Variants in PAK2 observed in about 807,000 individuals in gnomAD.
PAK2 encodes the protein p21 (RAC1) activated kinase 2, also known as serine/threonine-protein kinase PAK 2.
In PAK2, 21 loss-of-function variants were observed where a neutral mutation model predicts 65.9. The observed-to-expected ratio is 0.32, with a 90% CI of 0.23 to 0.46. The LOEUF (loss-of-function observed/expected upper bound fraction) is 0.46, where lower values mean the gene tolerates loss of function less well. PAK2 is among the 20% of genes least tolerant of loss of function. The pLI, the probability that PAK2 is intolerant of heterozygous loss-of-function variation, is 1.00. For synonymous variants in PAK2, 204 were observed against 219.7 expected, an observed-to-expected ratio of 0.93 and a Z score of 0.63; for missense variants, 324 against 642.6, an observed-to-expected ratio of 0.50 and a Z score of 5.36.
intron 2 of PAK2, among the ~76,000 whole-genome samples, chr3:196,792,804 AAT>A (rs202214351): frequency 1.3e-5 from 2 of 150,872 alleles, no homozygotes; most frequent in Non-Finnish European, 3.0e-5. Context: ...GACAGAAAAA[AAT>A]ATATATATAT....
At position 196,829,175 on chromosome 3, in the gene PAK2, G is replaced by T. The variant is rs1400983634; in HGVS notation, c.*770G>T. The T allele has an allele frequency of 2.6e-5, 4 of 152,504 alleles. No homozygotes were observed. Among genetic ancestry groups the T allele is most frequent in the Admixed American group, 1.3e-4 (2 of 15,228 alleles). 9.4% of individuals were successfully genotyped at this position (152,504 alleles called of 1,614,324 possible). ...TAGAAAAAGATTCCCATTGACTGTA[G>T]ACTTCTTCCCATTTTGTCTTCCCTT... On this transcript the variant is annotated 3_prime_UTR_variant, in exon 15 of 15. Transcript: ENST00000327134.
chr3:196,806,944 C>T (rs892743113), intron 6 of PAK2, among the ~76,000 whole-genome samples: 6 of 152,084 alleles, frequency 3.9e-5, no homozygotes, highest in African/African-American at 1.4e-4. Flanking sequence ...TACACCTTTT[C>T]CAGAGGGTTC....
chr3:196,788,052 C>T (rs930685708), intron 2 of PAK2, among the ~76,000 whole-genome samples: 1 of 152,232 alleles, frequency 6.6e-6, no homozygotes, highest in African/African-American at 2.4e-5. Context: ...CAGCAGTTTG[C>T]AGAAGCATTT....
chr3:196,819,135 T>C (rs1711571014), intron 12 of PAK2, among the ~76,000 whole-genome samples: 1 of 152,154 alleles, frequency 6.6e-6, no homozygotes, highest in Non-Finnish European at 1.5e-5. Context: ...ATTTTTATAT[T>C]CTGTATAGTT....
intron 1 of PAK2, among the ~76,000 whole-genome samples, chr3:196,776,252 C>A (rs181185268): frequency 6.6e-6 from 1 of 152,126 alleles, no homozygotes; most frequent in East Asian, 1.9e-4. Flanking sequence ...GCCAGTTTCA[C>A]GTAATAATAT....
intron 1 of PAK2, among the ~76,000 whole-genome samples, chr3:196,763,739 T>G (rs1714061043): frequency 6.6e-6 from 1 of 152,102 alleles, no homozygotes; most frequent in African/African-American, 2.4e-5. Context: ...TATTGTCTAT[T>G]TTCTATAGAA....
chr3:196,757,417 G>A (rs553609640), intron 1 of PAK2, among the ~76,000 whole-genome samples: 2 of 152,284 alleles, frequency 1.3e-5, no homozygotes, highest in East Asian at 3.9e-4. Context: ...AAGAGTTTCT[G>A]TTATTTTTTC....
At chr3:196,806,801 T>A in intron 6 of PAK2, 115 bp downstream of exon 6, 1 of 656,952 alleles carries the variant, frequency 1.5e-6, no homozygotes, top group South Asian at 1.8e-5. Context: ...TTTAAAATCG[T>A]TTAGTATGGG....
Position 196,828,505 on chromosome 3 carries a change from G to C in PAK2, c.*100G>C. 1 of 756,996 alleles carries C rather than the reference G, an allele frequency of 1.3e-6. No homozygotes were observed. Among genetic ancestry groups the C allele is most frequent in the Non-Finnish European group, 2.3e-6 (1 of 436,536 alleles). The allele number at this position is 756,996 out of a possible 1,614,324, so 46.9% of individuals were successfully genotyped here. The stretch of plus-strand genomic sequence containing the variant: ...TTTTTGGGGTTTAAAGAAATGGTCT[G>C]CATAACCTGAATGAAAGAAGCAAAT... On this transcript the variant is annotated 3_prime_UTR_variant, in exon 15 of 15. Transcript: ENST00000327134.
At chr3:196,754,940 G>A (rs896694520) in intron 1 of PAK2, among the ~76,000 whole-genome samples, 1 of 152,194 alleles carries the variant, frequency 6.6e-6, no homozygotes, top group Non-Finnish European at 1.5e-5. Flanking sequence ...CAAATAAAGC[G>A]ATGGCTAGTA....
chr3:196,788,414 A>G (rs1726034518), intron 2 of PAK2, among the ~76,000 whole-genome samples: 2 of 152,236 alleles, frequency 1.3e-5, no homozygotes, highest in African/African-American at 2.4e-5. Context: ...AGACTCTAGG[A>G]TGTTTTCACT....
At chr3:196,807,575 T>G (rs1191070783) in intron 6 of PAK2, among the ~76,000 whole-genome samples, 6 of 152,200 alleles carry the variant, frequency 3.9e-5, no homozygotes, top group African/African-American at 1.4e-4. Flanking sequence ...TTTTCAAATA[T>G]ATTCATGCTA....
intron 2 of PAK2, among the ~76,000 whole-genome samples, chr3:196,790,181 G>A (rs150528014): frequency 6.6e-6 from 1 of 152,274 alleles, no homozygotes; most frequent in African/African-American, 2.4e-5. Flanking sequence ...AACAGATAAA[G>A]GGTTTCTTTT....
At position 196,828,973 on chromosome 3, in the gene PAK2, A is replaced by G. The variant is rs1418642558; in HGVS notation, c.*568A>G. The stretch of plus-strand genomic sequence containing the variant: ...AAAAGTTAGGACCAGCTGTTGTTAC[A>G]TGTAATATTTTAGTTCAGAACTTGA... On this transcript the variant is annotated 3_prime_UTR_variant, in exon 15 of 15. Coordinates refer to ENST00000327134, the MANE Select transcript of PAK2 (RefSeq NM_002577.4). 3 of 152,716 alleles carry G rather than the reference A, an allele frequency of 2.0e-5. No homozygotes were observed. The highest frequency in any genetic ancestry group is 4.8e-5 in the African/African-American group (2 of 41,470). The allele number at this position is 152,716 out of a possible 1,614,324, so 9.5% of individuals were successfully genotyped here. A position where few individuals can be genotyped will look rare whatever the true frequency, so the allele number is the denominator to read the frequency against.
chr3:196,823,587 C>T (rs762784946), intron 13 of PAK2, among the ~76,000 whole-genome samples: 16 of 151,894 alleles, frequency 1.1e-4, no homozygotes, highest in East Asian at 1.9e-4. Context: ...CACCTTGGGC[C>T]GGGCACGGTG....
At chr3:196,822,551 A>T (rs192215829) in intron 13 of PAK2, among the ~76,000 whole-genome samples, 3 of 152,228 alleles carry the variant, frequency 2.0e-5, no homozygotes, top group African/African-American at 4.8e-5. Context: ...TTAGCCAAGC[A>T]TGTTAGTGTG....
intron 2 of PAK2, among the ~76,000 whole-genome samples, chr3:196,794,896 G>A (rs184076337): frequency 5.5e-4 from 83 of 152,234 alleles, no homozygotes; most frequent in Non-Finnish European, 9.6e-4. Context: ...TGGGCTTATG[G>A]TGCCATTTAG....
At chr3:196,818,526 C>T (rs1210958984) in intron 12 of PAK2, among the ~76,000 whole-genome samples, 1 of 152,092 alleles carries the variant, frequency 6.6e-6, no homozygotes, top group East Asian at 1.9e-4. Flanking sequence ...ACCACCACAC[C>T]CAGCTAATTT....
rs1711992070 is a variant in PAK2 at position 196,829,420 on chromosome 3, A to C, written c.*1015A>C. On this transcript the variant is annotated 3_prime_UTR_variant, in exon 15 of 15. Transcript: ENST00000327134. The stretch of plus-strand genomic sequence containing the variant: ...CCTCACAGATACCCCCTCCCATGGC[A>C]AATAATATAATAACCAGTGAATTTT... 6.6e-6 allele frequency: 1 copy of C among 152,436 alleles called. No individual in the cohort carries two copies. The highest frequency in any genetic ancestry group is 2.1e-4 in the South Asian group (1 of 4,828). The allele number at this position is 152,436 out of a possible 1,614,324, so 9.4% of individuals were successfully genotyped here.
Sources: allele counts gnomAD v4.1 joint callset (sites outside exome capture counted in the v4.1 genomes callset), GRCh38; gene constraint gnomAD v4.1.1; transcripts MANE v1.5; gene names NCBI Gene and HGNC (gene_info 2026-07-23, HGNC 2026-07-21).